The following CDIN1 variants were observed in gnomAD, a reference collection of about 807,000 sequenced individuals.
CDIN1 encodes the protein CDAN1 interacting nuclease 1.
A neutral mutation model predicts 45.3 loss-of-function variants in CDIN1; 33 were observed. The observed-to-expected ratio is 0.73, with a 90% CI of 0.55 to 0.97. The LOEUF is 0.97. CDIN1 is among the 50% of genes least tolerant of loss of function. CDIN1 has a pLI of 0.00. For missense variants in CDIN1, 303 were observed against 339.4 expected (o/e 0.89, Z 0.84); for synonymous variants, 118 against 124.4 (o/e 0.95, Z 0.34).
chr15:36,635,055 T>C (rs1359073737), intron 1 of CDIN1, among the ~76,000 whole-genome samples: 3 of 152,178 alleles, frequency 2.0e-5, no homozygotes, highest in Non-Finnish European at 4.4e-5. Context: ...AGTTTAGAGA[T>C]GAGGGCTTGC....
chr15:36,623,477 C>T (rs2039290757), intron 1 of CDIN1, among the ~76,000 whole-genome samples: 1 of 152,326 alleles, frequency 6.6e-6, no homozygotes, highest in Middle Eastern at 3.4e-3. Flanking sequence ...CCAAGTTGAA[C>T]TTCAGTAGTG....
At chr15:36,777,540 C>A (rs1463974289) in intron 10 of CDIN1, among the ~76,000 whole-genome samples, 1 of 152,140 alleles carries the variant, frequency 6.6e-6, no homozygotes, top group Non-Finnish European at 1.5e-5. Flanking sequence ...ATCTAATCAA[C>A]ATTCAGAAGA....
chr15:36,705,720 C>T (rs531111380), intron 8 of CDIN1: 3 of 152,188 alleles, frequency 2.0e-5, no homozygotes, highest in East Asian at 3.9e-4. Context: ...ATAATGAGCA[C>T]TTGAACTATG....
chr15:36,622,583 G>A (rs1487694251), intron 1 of CDIN1, among the ~76,000 whole-genome samples: 1 of 152,234 alleles, frequency 6.6e-6, no homozygotes, highest in African/African-American at 2.4e-5. Flanking sequence ...CTGGGAAGCA[G>A]ACTGTATTTC....
intron 1 of CDIN1, chr15:36,591,894 C>T (rs1345136966): frequency 6.6e-6 from 1 of 152,182 alleles, no homozygotes; most frequent in Non-Finnish European, 1.5e-5. Flanking sequence ...CTCTAGGGGC[C>T]AGGCAAGTAT....
intron 1 of CDIN1, chr15:36,614,327 C>T: frequency 1.8e-6 from 1 of 556,602 alleles, no homozygotes. Context: ...CTCCTTTCGC[C>T]ACCCCCTTCT....
At chr15:36,678,227 A>T (rs1378371534) in intron 5 of CDIN1, among the ~76,000 whole-genome samples, 1 of 152,220 alleles carries the variant, frequency 6.6e-6, no homozygotes, top group African/African-American at 2.4e-5. Flanking sequence ...CTTGAGGAGT[A>T]GTTCCAACTG....
chr15:36,793,760 G>C (rs757012047), intron 10 of CDIN1, among the ~76,000 whole-genome samples: 1 of 151,980 alleles, frequency 6.6e-6, no homozygotes, highest in Non-Finnish European at 1.5e-5. Context: ...AGAAAACAAA[G>C]AGTTTGGGCA....
At chr15:36,724,852 G>C (rs572814388) in intron 10 of CDIN1, among the ~76,000 whole-genome samples, 11 of 152,228 alleles carry the variant, frequency 7.2e-5, no homozygotes, top group African/African-American at 2.6e-4. Context: ...TGATTATTCA[G>C]GGTATTGATA....
chr15:36,719,514 T>C (rs369661229), intron 10 of CDIN1, among the ~76,000 whole-genome samples: 1 of 152,220 alleles, frequency 6.6e-6, no homozygotes, highest in East Asian at 1.9e-4. Flanking sequence ...TTTGCTGGAT[T>C]TGATTTGTTA....
At chr15:36,725,243 G>C (rs2043581282) in intron 10 of CDIN1, among the ~76,000 whole-genome samples, 2 of 151,078 alleles carry the variant, frequency 1.3e-5, no homozygotes, top group African/African-American at 4.9e-5. Flanking sequence ...CAAACACAAA[G>C]TGCTGCCCTC....
chr15:36,703,253 A>C (rs1479314180), intron 8 of CDIN1, among the ~76,000 whole-genome samples: 1 of 120,534 alleles, frequency 8.3e-6, no homozygotes, highest in East Asian at 2.8e-4. Flanking sequence ...ATATATCAGA[A>C]AGGGATATAT....
chr15:36,661,873 G>C (rs1013420177), intron 5 of CDIN1, among the ~76,000 whole-genome samples: 1 of 152,074 alleles, frequency 6.6e-6, no homozygotes, highest in African/African-American at 2.4e-5. Context: ...GAGTAGACAT[G>C]ATAATGGAAA....
At chr15:36,676,042 G>C (rs1000127388) in intron 5 of CDIN1, among the ~76,000 whole-genome samples, 20 of 152,176 alleles carry the variant, frequency 1.3e-4, no homozygotes, top group Admixed American at 8.5e-4. Flanking sequence ...CTTGAAAGTT[G>C]TTGAGATTTT....
intron 10 of CDIN1, among the ~76,000 whole-genome samples, chr15:36,766,332 A>G (rs1001703269): frequency 1.3e-5 from 2 of 152,058 alleles, no homozygotes; most frequent in African/African-American, 4.8e-5. Context: ...TTGTTTCCAT[A>G]TCTTAGTTAC....
chr15:36,664,223 T>TTTATAAA (rs2140498644), intron 5 of CDIN1, among the ~76,000 whole-genome samples: 1 of 152,240 alleles, frequency 6.6e-6, no homozygotes, highest in South Asian at 2.1e-4. Flanking sequence ...AGACCACAGT[T>TTTATAAA]TATAGAAGAG....
At chr15:36,684,735 T>G (rs1159428084) in intron 5 of CDIN1, among the ~76,000 whole-genome samples, 3 of 152,114 alleles carry the variant, frequency 2.0e-5, no homozygotes, top group African/African-American at 7.2e-5. Flanking sequence ...GGTAAGCTAT[T>G]GATTATTGCC....
chr15:36,744,967 G>A (rs946543361), intron 10 of CDIN1, among the ~76,000 whole-genome samples: 4 of 152,084 alleles, frequency 2.6e-5, no homozygotes, highest in African/African-American at 7.2e-5. Flanking sequence ...AATCACTTTT[G>A]TATACATCCA....
In CDIN1 at chr15:36,646,272, T is replaced by G. The variant is rs541529489; in HGVS notation, c.212+985T>G. On this transcript the variant is annotated intron_variant, in intron 3 of 10. Transcript: ENST00000566621. ...GTGTCATGTTTCGGTAATCATTTTA[T>G]TTAGAATCAAGAAAGGGATATTGAA... is the stretch of plus-strand genomic sequence containing the variant. Among the ~76,000 whole-genome samples, 22 of 152,310 alleles carry G rather than the reference T, an allele frequency of 1.4e-4. No homozygotes were observed. In the East Asian group the frequency reaches 3.7e-3, roughly 25 times the overall value.
Sources: gnomAD v4.1 joint callset for allele counts (sites outside exome capture counted in the v4.1 genomes callset) on GRCh38, gnomAD v4.1.1 for gene constraint, MANE v1.5 for transcripts, NCBI Gene and HGNC (gene_info 2026-07-23, HGNC 2026-07-21) for gene names.